PUM2: variants seen among roughly 807,000 people sequenced by gnomAD.
PUM2 encodes the protein pumilio homolog 2.
A neutral mutation model predicts 124.5 loss-of-function variants in PUM2; 57 were observed. That is an observed-to-expected ratio of 0.46 (90% confidence interval 0.37 to 0.57). PUM2 has a LOEUF of 0.57. Ranked by LOEUF, PUM2 falls within the 20% of genes least tolerant of loss-of-function variation. PUM2 has a pLI of 0.00. For missense variants in PUM2, 1,065 were observed against 1,290.6 expected (o/e 0.83, Z 2.68); for synonymous variants, 460 against 446.1 (o/e 1.03, Z -0.39).
Position 20,290,775 on chromosome 2 carries a change from C to T in PUM2, c.1168G>A (p.Ala390Thr), listed in dbSNP as rs774419379. The change falls in exon 10 of 21, where the codon GCA (alanine) becomes ACA (threonine). Residue 390 changes from alanine to threonine, a missense_variant. Physicochemically the swap from Ala to Thr is moderately conservative, Grantham distance 58. Transcript: ENST00000361078. Reference protein sequence around the residue: ...PGQQQVLRAGAGQRPLTPNQG... With the variant: ...PGQQQVLRAGTGQRPLTPNQG... The stretch of plus-strand genomic sequence containing the variant: ...TTGGGAGTAAGAGGACGCTGACCTG[C>T]TCCAGCACGGAGAACCTACAAAGGT... 1.3e-6 allele frequency: 2 copies of T among 1,597,766 alleles called. No homozygotes were observed. Among genetic ancestry groups the T allele is most frequent in the Non-Finnish European group, 1.7e-6 (2 of 1,174,684 alleles).
At chr2:20,333,897 T>G (rs1474185886) in intron 1 of PUM2, among the ~76,000 whole-genome samples, 2 of 152,102 alleles carry the variant, frequency 1.3e-5, no homozygotes, top group Non-Finnish European at 2.9e-5. Flanking sequence ...CTTGTGATAG[T>G]TTTTCTAAGA....
At chr2:20,336,125 A>T (rs1685955685) in intron 1 of PUM2, among the ~76,000 whole-genome samples, 1 of 152,232 alleles carries the variant, frequency 6.6e-6, no homozygotes. Flanking sequence ...AATAATTTAG[A>T]TGGAAATGAA....
intron 19 of PUM2, 114 bp from the exon 20 acceptor site, chr2:20,254,128 G>T (rs1664179632): frequency 2.3e-6 from 2 of 876,368 alleles, no homozygotes; most frequent in Non-Finnish European, 3.4e-6. Flanking sequence ...GTCAGGATGG[G>T]ATTCTCTTGT....
At chr2:20,318,731 T>TTTGAG in intron 2 of PUM2, 86 bp from the exon 3 acceptor site, 1 of 858,480 alleles carries the variant, frequency 1.2e-6, no homozygotes, top group Non-Finnish European at 1.8e-6. Context: ...CACTGCTATG[T>TTTGAG]ATACATTAGT....
intron 13 of PUM2, among the ~76,000 whole-genome samples, chr2:20,272,658 C>A (rs1451404061): frequency 6.6e-6 from 1 of 152,158 alleles, no homozygotes; most frequent in Non-Finnish European, 1.5e-5. Context: ...TTCTGCTTTT[C>A]CATTTTCATT....
intron 13 of PUM2, among the ~76,000 whole-genome samples, chr2:20,264,336 C>CAA (rs869149732): frequency 2.4e-4 from 6 of 25,390 alleles, no homozygotes; most frequent in Admixed American, 2.0e-3. Context: ...CACTCTGTCT[C>CAA]AAAAAAAAAA....
At chr2:20,253,774 C>G (rs1250525570) in intron 20 of PUM2, 48 bp downstream of exon 20, 1 of 1,512,256 alleles carries the variant, frequency 6.6e-7, no homozygotes, top group Admixed American at 1.8e-5. Flanking sequence ...AAATGTGTAG[C>G]CTAAACACAA....
intron 9 of PUM2, among the ~76,000 whole-genome samples, chr2:20,292,139 T>C (rs1311368928): frequency 1.3e-5 from 2 of 151,304 alleles, no homozygotes; most frequent in South Asian, 4.2e-4. Flanking sequence ...TGCATCATGC[T>C]GCTTTTGCTC....
At chr2:20,275,950 T>C (rs1670132899) in intron 13 of PUM2, among the ~76,000 whole-genome samples, 2 of 152,214 alleles carry the variant, frequency 1.3e-5, no homozygotes, top group South Asian at 4.1e-4. Flanking sequence ...TTTAAGTCAA[T>C]TAGGGAGATT....
intron 13 of PUM2, among the ~76,000 whole-genome samples, 182 bp downstream of exon 13, chr2:20,278,401 C>CGTACA (rs1472934654): frequency 6.6e-6 from 1 of 151,970 alleles, no homozygotes; most frequent in Non-Finnish European, 1.5e-5. Context: ...CCTTATTGTA[C>CGTACA]ATTAGACCCT....
chr2:20,265,877 CATTAAAG>C (rs1170392636), intron 13 of PUM2, among the ~76,000 whole-genome samples: 1 of 152,112 alleles, frequency 6.6e-6, no homozygotes, highest in Non-Finnish European at 1.5e-5. Flanking sequence ...ACCCTTAATG[CATTAAAG>C]ATTTTCGACA....
intron 7 of PUM2, among the ~76,000 whole-genome samples, chr2:20,303,478 G>A (rs1329684523): frequency 1.3e-5 from 2 of 150,616 alleles, no homozygotes; most frequent in Non-Finnish European, 2.9e-5. Context: ...AACCTGCTGG[G>A]ATTCTGACCA....
At chr2:20,332,501 T>A (rs1458985738) in intron 1 of PUM2, among the ~76,000 whole-genome samples, 1 of 151,480 alleles carries the variant, frequency 6.6e-6, no homozygotes, top group Non-Finnish European at 1.5e-5. Flanking sequence ...AGAAAGAGAA[T>A]GAAGGAGAAA....
chr2:20,340,689 T>C (rs903908577), intron 1 of PUM2, among the ~76,000 whole-genome samples: 3 of 152,310 alleles, frequency 2.0e-5, no homozygotes, highest in South Asian at 4.1e-4. Context: ...CCTCTGCAGA[T>C]AGGGTTGAAA....
At position 20,295,632 on chromosome 2, in the gene PUM2, G is replaced by A. The variant is rs185644155; in HGVS notation, c.1010-1114C>T. Among the ~76,000 whole-genome samples the A allele has an allele frequency of 1.4e-3, 219 of 151,902 alleles. 1 individual carries two copies. The highest frequency in any genetic ancestry group is 2.5e-3 in the Non-Finnish European group (170 of 67,940). The stretch of plus-strand genomic sequence containing the variant: ...AATAAAACAATGAAAAGGATACATC[G>A]TAAAAATAAAATAAAAAGGACACAT... On this transcript the variant is annotated intron_variant, in intron 8 of 20. Coordinates refer to ENST00000361078, the MANE Select transcript of PUM2 (RefSeq NM_015317.5).
At chr2:20,289,786 C>T (rs542084607) in intron 10 of PUM2, among the ~76,000 whole-genome samples, 1 of 152,140 alleles carries the variant, frequency 6.6e-6, no homozygotes, top group Non-Finnish European at 1.5e-5. Flanking sequence ...TTTTCCAATA[C>T]ACTGAACACA....
At chr2:20,303,472 T>A (rs1309643393) in intron 7 of PUM2, among the ~76,000 whole-genome samples, 1 of 147,572 alleles carries the variant, frequency 6.8e-6, no homozygotes, top group African/African-American at 2.5e-5. Flanking sequence ...AAAAAAAACC[T>A]GCTGGGATTC....
chr2:20,329,871 T>C (rs557758545), intron 1 of PUM2, among the ~76,000 whole-genome samples: 106 of 152,294 alleles, frequency 7.0e-4, no homozygotes, highest in Non-Finnish European at 8.4e-4. Context: ...GTAACTTACA[T>C]GTAACTGGAG....
intron 7 of PUM2, among the ~76,000 whole-genome samples, chr2:20,304,259 C>T (rs73216223): frequency 0.035 from 5,259 of 152,190 alleles, 89 homozygotes; most frequent in Middle Eastern, 0.068. Flanking sequence ...CAATTTACCC[C>T]CCTATGGATT....
Sources: gnomAD v4.1 joint callset for allele counts (sites outside exome capture counted in the v4.1 genomes callset) on GRCh38, gnomAD v4.1.1 for gene constraint, MANE v1.5 for transcripts, NCBI Gene and HGNC (gene_info 2026-07-23, HGNC 2026-07-21) for gene names.